The following PDE1C variants were observed in gnomAD, a reference collection of about 807,000 sequenced individuals.
The protein encoded by PDE1C is phosphodiesterase 1C.
PDE1C carries 62 observed loss-of-function variants against 93.1 expected under a neutral mutation model. The ratio of observed to expected loss-of-function variants is 0.67; its 90% CI spans 0.54 to 0.82. The LOEUF is 0.82. Among genes scored for constraint, PDE1C ranks in the 40% least tolerant of loss-of-function variants. The probability of loss-of-function intolerance (pLI) is 0.00; values close to 1 mark genes in which losing one functional copy is unlikely to be tolerated. For synonymous variants in PDE1C, 325 were observed against 310.1 expected (o/e 1.05, Z -0.50); for missense variants, 742 against 884.6 (o/e 0.84, Z 2.04).
At chr7:31,804,386 T>C (rs1300399106) in intron 16 of PDE1C, among the ~76,000 whole-genome samples, 1 of 151,868 alleles carries the variant, frequency 6.6e-6, no homozygotes, top group Admixed American at 6.6e-5. Context: ...CTGTTCCCTC[T>C]AATCCTCTTG....
chr7:31,929,309 A>C (rs1474196022), intron 2 of PDE1C, among the ~76,000 whole-genome samples: 1 of 152,200 alleles, frequency 6.6e-6, no homozygotes. Flanking sequence ...AGACCTACAA[A>C]GAGACTTAGA....
chr7:31,715,511 T>C, the PDE1C span, among the ~76,000 whole-genome samples: 4 of 152,228 alleles, frequency 2.6e-5, no homozygotes, highest in Admixed American at 6.5e-5. Context: ...AGTGCTAGGA[T>C]TACAGGTGTG....
the PDE1C span, among the ~76,000 whole-genome samples, chr7:31,694,998 A>G: frequency 6.6e-6 from 1 of 152,212 alleles, no homozygotes; most frequent in East Asian, 1.9e-4. Context: ...GACTGGCACA[A>G]TGATGAAGGC....
intron 2 of PDE1C, among the ~76,000 whole-genome samples, chr7:32,032,542 CAAGATGAATGCA>C (rs1251219752): frequency 6.6e-6 from 1 of 152,254 alleles, no homozygotes; most frequent in East Asian, 1.9e-4. Flanking sequence ...CATGTAAATA[CAAGATGAATGCA>C]AAGAGAAAAG....
chr7:32,390,865 T>TA (rs1784736803), intron 1 of PDE1C, among the ~76,000 whole-genome samples: 1 of 151,214 alleles, frequency 6.6e-6, no homozygotes, highest in African/African-American at 2.4e-5. Flanking sequence ...AAAAATAAAA[T>TA]AAAATAAAAC....
chr7:32,129,545 AACCC>A (rs1279259565), intron 3 of PDE1C, among the ~76,000 whole-genome samples: 10 of 151,880 alleles, frequency 6.6e-5, no homozygotes, highest in African/African-American at 1.7e-4. Flanking sequence ...TATAATAAAT[AACCC>A]TCAAGTTTCT....
the PDE1C span, among the ~76,000 whole-genome samples, chr7:31,686,018 A>G: frequency 7.2e-5 from 11 of 152,198 alleles, no homozygotes; most frequent in Non-Finnish European, 1.5e-5. Context: ...GGGAGGCACC[A>G]ACAAACACAT....
At chr7:31,628,817 A>C in the PDE1C span, among the ~76,000 whole-genome samples, 148,700 of 152,290 alleles carry the variant, frequency 0.98, 72,610 homozygotes, top group East Asian at 0.99. Flanking sequence ...ATGTGAGGAA[A>C]TGGGCTGCCT....
intron 16 of PDE1C, among the ~76,000 whole-genome samples, chr7:31,806,929 T>A (rs1421340040): frequency 2.0e-5 from 3 of 151,944 alleles, no homozygotes; most frequent in Non-Finnish European, 2.9e-5. Flanking sequence ...ATATATCTCC[T>A]GATCTACATA....
chr7:31,632,703 G>A, the PDE1C span, among the ~76,000 whole-genome samples: 3 of 152,018 alleles, frequency 2.0e-5, no homozygotes, highest in African/African-American at 4.8e-5. Flanking sequence ...AGTCCTCCTC[G>A]TTTCCATGTT....
At chr7:32,222,639 T>G (rs1021133755) in intron 1 of PDE1C, among the ~76,000 whole-genome samples, 1 of 152,172 alleles carries the variant, frequency 6.6e-6, no homozygotes, top group Admixed American at 6.5e-5. Flanking sequence ...TTGACAAGCA[T>G]AGCATTTAAG....
the PDE1C span, among the ~76,000 whole-genome samples, chr7:31,681,623 T>A: frequency 2.6e-5 from 4 of 152,160 alleles, no homozygotes; most frequent in Non-Finnish European, 5.9e-5. Flanking sequence ...CTCATTTCCA[T>A]CAGATTATGA....
rs184783255 is a variant in PDE1C, at chr7:32,212,802, C to T, written c.86-3263G>A. ...CCTTCTCCATCCCCCAGATCTTTGC[C>T]CATATGCGTAACTCCCCTTCCCACA... On this transcript the variant is annotated intron_variant, in intron 1 of 18. Transcript: ENST00000396193. Among the ~76,000 whole-genome samples the T allele has an allele frequency of 5.3e-4, 81 of 152,210 alleles. 1 individual carries two copies. The highest frequency in any genetic ancestry group is 1.8e-3 in the African/African-American group (75 of 41,516).
Position 31,812,608 on chromosome 7 carries a change from G to A in PDE1C, c.1813+3316C>T, listed in dbSNP as rs190913402. Among the ~76,000 whole-genome samples, 9 of 152,148 alleles carry A rather than the reference G, an allele frequency of 5.9e-5. No individual in the cohort carries two copies. In the East Asian group the frequency reaches 1.7e-3, roughly 29 times the overall value. On this transcript the variant is annotated intron_variant, in intron 15 of 17. Coordinates refer to ENST00000396191, the MANE Select transcript of PDE1C (RefSeq NM_001191057.4). ...TCAAATTTTAATTTCTATAAATAAA[G>A]TTTTATTGGAAAACAGGATAACTCA...
At chr7:31,688,135 A>G in the PDE1C span, among the ~76,000 whole-genome samples, 63,546 of 152,026 alleles carry the variant, frequency 0.42, 16,301 homozygotes, top group African/African-American at 0.73. Context: ...TCACGAAAAT[A>G]TCAGTGTGTA....
chr7:31,819,731 T>G (rs145332933), intron 14 of PDE1C, among the ~76,000 whole-genome samples: 1 of 152,260 alleles, frequency 6.6e-6, no homozygotes, highest in African/African-American at 2.4e-5. Flanking sequence ...ATACATTGAT[T>G]TCTTTGTCTT....
intron 2 of PDE1C, among the ~76,000 whole-genome samples, chr7:31,918,361 C>G (rs1424794357): frequency 6.6e-6 from 1 of 152,272 alleles, no homozygotes; most frequent in East Asian, 1.9e-4. Context: ...AAATAGTATT[C>G]ATTTGTGTGT....
In PDE1C at chr7:32,205,877, T is replaced by A. The variant is rs73304655; in HGVS notation, c.136+3612A>T. On this transcript the variant is annotated intron_variant, in intron 2 of 18. Coordinates refer to the PDE1C transcript ENST00000396193. ...CATTAAGATCGTGAACCCATCAGAA[T>A]GAAGAAACTCCGGACACATCTGAAA... Among the ~76,000 whole-genome samples the A allele has an allele frequency of 1.7e-3, 260 of 152,238 alleles. 1 individual carries two copies. The highest frequency in any genetic ancestry group is 5.9e-3 in the African/African-American group (246 of 41,528).
At chr7:31,928,966 C>CCAAATA (rs1803794807) in intron 2 of PDE1C, among the ~76,000 whole-genome samples, 1 of 151,796 alleles carries the variant, frequency 6.6e-6, no homozygotes, top group Non-Finnish European at 1.5e-5. Context: ...GGCTAAATAC[C>CCAAATA]CCAATTAAGA....
Sources: allele counts gnomAD v4.1 joint callset (sites outside exome capture counted in the v4.1 genomes callset), GRCh38; gene constraint gnomAD v4.1.1; transcripts MANE v1.5; gene names NCBI Gene and HGNC (gene_info 2026-07-23, HGNC 2026-07-21).